Variants in TEX14 observed in about 807,000 individuals in gnomAD.
The protein encoded by TEX14 is testis expressed 14, intercellular bridge forming factor.
TEX14 carries 168 observed loss-of-function variants against 178.6 expected under a neutral mutation model. The observed-to-expected ratio is 0.94, with a 90% CI of 0.83 to 1.07. The LOEUF (loss-of-function observed/expected upper bound fraction) is 1.07, where lower values mean the gene tolerates loss of function less well. TEX14 is among the 50% of genes least tolerant of loss of function. TEX14 has a pLI of 0.00. For missense variants in TEX14, 1,730 were observed against 1,753.6 expected (o/e 0.99, Z 0.24); for synonymous variants, 626 against 634.1 (o/e 0.99, Z 0.19).
chr17:58,598,671 G>C (rs1212740725), intron 14 of TEX14, among the ~76,000 whole-genome samples: 1 of 152,180 alleles, frequency 6.6e-6, no homozygotes, highest in Non-Finnish European at 1.5e-5. Context: ...ATATATGTCA[G>C]TCCCTCCACA....
chr17:58,563,045 C>A (rs2144331888), intron 28 of TEX14, among the ~76,000 whole-genome samples: 1 of 150,390 alleles, frequency 6.6e-6, no homozygotes, highest in Admixed American at 6.7e-5. Context: ...TGCACTCCAG[C>A]CTGGGCAACA....
At chr17:58,614,103 C>A (rs1260286326) in intron 8 of TEX14, among the ~76,000 whole-genome samples, 1 of 152,184 alleles carries the variant, frequency 6.6e-6, no homozygotes, top group Non-Finnish European at 1.5e-5. Context: ...CCAAGAGCTC[C>A]TGTATTCTTT....
At chr17:58,684,528 T>C (rs572781799) in intron 1 of TEX14, among the ~76,000 whole-genome samples, 5 of 150,284 alleles carry the variant, frequency 3.3e-5, no homozygotes, top group African/African-American at 1.2e-4. Flanking sequence ...CCAGCTACTC[T>C]GGAGGCTGAG....
At chr17:58,650,536 T>C (rs1334767026) in intron 2 of TEX14, among the ~76,000 whole-genome samples, 1 of 152,178 alleles carries the variant, frequency 6.6e-6, no homozygotes, top group Admixed American at 6.5e-5. Context: ...ACTTATTTTT[T>C]TGCTGTTGAG....
chr17:58,662,413 T>A (rs913492435), intron 1 of TEX14, among the ~76,000 whole-genome samples: 2 of 127,674 alleles, frequency 1.6e-5, no homozygotes, highest in Admixed American at 1.6e-4. Context: ...AGCACACATA[T>A]CTCACACACA....
intron 24 of TEX14, 103 bp downstream of exon 24, chr17:58,571,818 A>G: frequency 9.8e-7 from 1 of 1,020,462 alleles, no homozygotes; most frequent in South Asian, 1.4e-5. Context: ...GACCCAGCTT[A>G]TTTCTTGCTT....
In TEX14 at chr17:58,598,983, C is replaced by A; in HGVS notation, c.2362G>T (p.Val788Leu). 6.2e-7 allele frequency: 1 copy of A among 1,614,020 alleles called. No individual in the cohort carries two copies. The highest frequency in any genetic ancestry group is 8.5e-7 in the Non-Finnish European group (1 of 1,179,952). Residue 788 changes from valine to leucine, a missense_variant, in exon 14 of 32, where the codon GTG becomes TTG. Coordinates refer to ENST00000349033, the MANE Select transcript of TEX14 (RefSeq NM_031272.5). The stretch of plus-strand genomic sequence containing the variant: ...ATATAGTTTAAAGATGGAGGGCCCA[C>A]GGCCAGAGGTAACTTGTAGGCATTT... ...FTNAYKLPLA[V>L]GPPSLNYIPP...
intron 1 of TEX14, among the ~76,000 whole-genome samples, chr17:58,655,972 G>A (rs2046949644): frequency 6.6e-6 from 1 of 152,176 alleles, no homozygotes; most frequent in Non-Finnish European, 1.5e-5. Flanking sequence ...ACTGTTTTGG[G>A]GAAGTACTCC....
intron 21 of TEX14, among the ~76,000 whole-genome samples, chr17:58,575,780 T>C (rs1256518793): frequency 1.3e-5 from 2 of 152,176 alleles, no homozygotes; most frequent in Admixed American, 6.5e-5. Context: ...GGCCAACCCA[T>C]GAGCCATGGA....
At chr17:58,572,886 C>T (rs1195568446) in intron 23 of TEX14, among the ~76,000 whole-genome samples, 1 of 152,230 alleles carries the variant, frequency 6.6e-6, no homozygotes, top group Non-Finnish European at 1.5e-5. Context: ...GTTGCAAACT[C>T]TACAAAGCTC....
intron 17 of TEX14, among the ~76,000 whole-genome samples, chr17:58,586,519 C>T (rs1219688890): frequency 6.6e-6 from 1 of 152,140 alleles, no homozygotes; most frequent in East Asian, 1.9e-4. Context: ...CAAATGTTGT[C>T]AAACACTTCT....
chr17:58,676,554 C>A (rs115222548), intron 1 of TEX14, among the ~76,000 whole-genome samples: 535 of 152,174 alleles, frequency 3.5e-3, no homozygotes, highest in African/African-American at 0.012. Flanking sequence ...GAGTGAAACT[C>A]CATCTCAAAC....
rs1483497978 is a variant in TEX14 at position 58,601,847 on chromosome 17, C to G, written c.1637G>C (p.Arg546Thr). Residue 546 changes from arginine to threonine, a missense_variant, in exon 13 of 32, where the codon AGA (arginine) becomes ACA (threonine). Arg to Thr is a moderately conservative substitution (Grantham distance 71). Transcript: ENST00000349033. ...VYLGLTSEHP[R>T]ETPDMEIIEL... is the part of the protein sequence containing the mutation. ...TATGATTTCCATGTCAGGTGTCTCTCTGGGGTGTTCTGAAGTCAGTCCTAG... is the reference window on the plus strand; with the variant it reads ...TATGATTTCCATGTCAGGTGTCTCTGTGGGGTGTTCTGAAGTCAGTCCTAG... 6.2e-7 allele frequency: 1 copy of G among 1,613,414 alleles called. No homozygotes were observed.
At position 58,559,508 on chromosome 17, in the gene TEX14, A is replaced by G. The variant is rs2044227447; in HGVS notation, c.4212T>C (p.Asp1404=). Residue 1404 remains aspartate, a synonymous_variant, in exon 30 of 32, where the codon GAT becomes GAC. Transcript: ENST00000349033. ...KVGEEKRKRE[D]SITPERRKSE... ...ATTTCCTTCTTTCTGGTGTAATGCT[A>G]TCTTCCCTTTTTCTTTTCTCTTCAC... 1 of 1,576,964 alleles carries G rather than the reference A, an allele frequency of 6.3e-7. No individual in the cohort carries two copies. Among genetic ancestry groups the G allele is most frequent in the Non-Finnish European group, 8.7e-7 (1 of 1,147,514 alleles).
intron 9 of TEX14, 26 bp from the exon 10 acceptor site, chr17:58,611,365 G>GAAAAAA: frequency 3.0e-6 from 4 of 1,336,292 alleles, no homozygotes; most frequent in Admixed American, 4.5e-5. Context: ...GAAATGCCAC[G>GAAAAAA]AAAAAAAAAA....
At chr17:58,567,618 C>G (rs2044429601) in intron 26 of TEX14, 1 of 152,106 alleles carries the variant, frequency 6.6e-6, no homozygotes. Flanking sequence ...CCCCAAAGGT[C>G]TCTTTAAGGG....
intron 8 of TEX14, 129 bp from the exon 9 acceptor site, chr17:58,613,673 T>C (rs66508449): frequency 0.2 from 213,663 of 1,052,424 alleles, 22,943 homozygotes; most frequent in Non-Finnish European, 0.21. Flanking sequence ...CTTTTCTTTT[T>C]TTTTTGACAC....
chr17:58,681,262 A>G (rs1006625486), intron 1 of TEX14, among the ~76,000 whole-genome samples: 9 of 152,114 alleles, frequency 5.9e-5, no homozygotes, highest in Non-Finnish European at 2.9e-5. Flanking sequence ...TCCATCTCTA[A>G]TGATAAATAA....
intron 10 of TEX14, among the ~76,000 whole-genome samples, chr17:58,608,504 G>A (rs1054431299): frequency 2.0e-5 from 3 of 149,924 alleles, no homozygotes; most frequent in Middle Eastern, 3.5e-3. Flanking sequence ...ATCGCTTGAC[G>A]CTGGGAGGTT....
Sources: gnomAD v4.1 joint callset for allele counts (sites outside exome capture counted in the v4.1 genomes callset) on GRCh38, gnomAD v4.1.1 for gene constraint, MANE v1.5 for transcripts, NCBI Gene and HGNC (gene_info 2026-07-23, HGNC 2026-07-21) for gene names.